The following LHFPL3 variants were observed in gnomAD, a reference collection of about 807,000 sequenced individuals.
LHFPL3 encodes the protein LHFPL tetraspan subfamily member 3 protein.
Under a neutral mutation model 19.3 loss-of-function variants are expected in LHFPL3, and 5 were observed. The ratio of observed to expected loss-of-function variants is 0.26; its 90% CI spans 0.14 to 0.54. The LOEUF (loss-of-function observed/expected upper bound fraction) is 0.54, where lower values mean the gene tolerates loss of function less well. Ranked by LOEUF, LHFPL3 falls within the 20% of genes least tolerant of loss-of-function variation. The pLI, the probability that LHFPL3 is intolerant of heterozygous loss-of-function variation, is 0.94. For synonymous variants in LHFPL3, 133 were observed against 126.2 expected, an observed-to-expected ratio of 1.05 and a Z score of -0.36; for missense variants, 249 against 307.4, an observed-to-expected ratio of 0.81 and a Z score of 1.42.
intron 1 of LHFPL3, among the ~76,000 whole-genome samples, chr7:104,362,976 G>A (rs970387341): frequency 6.6e-6 from 1 of 152,190 alleles, no homozygotes; most frequent in African/African-American, 2.4e-5. Context: ...CCAATCTTAG[G>A]TTTTACAATG....
At chr7:104,329,449 A>G (rs1479675263) in intron 1 of LHFPL3, among the ~76,000 whole-genome samples, 1 of 152,178 alleles carries the variant, frequency 6.6e-6, no homozygotes, top group African/African-American at 2.4e-5. Context: ...GAGCCTCCCA[A>G]GTGTGGGGGA....
chr7:104,662,676 C>G (rs1427847285), intron 1 of LHFPL3, among the ~76,000 whole-genome samples: 1 of 152,130 alleles, frequency 6.6e-6, no homozygotes, highest in Non-Finnish European at 1.5e-5. Flanking sequence ...AACTGGCTTG[C>G]AAAGAGGGTA....
At chr7:104,880,876 A>C (rs758885735) in intron 2 of LHFPL3, among the ~76,000 whole-genome samples, 13 of 152,174 alleles carry the variant, frequency 8.5e-5, no homozygotes, top group Non-Finnish European at 1.9e-4. Context: ...ATTATTTAAG[A>C]AATACTTTGT....
chr7:104,438,295 GT>G (rs35344206), intron 1 of LHFPL3, among the ~76,000 whole-genome samples: 26,108 of 152,084 alleles, frequency 0.17, 3,459 homozygotes, highest in African/African-American at 0.37. Flanking sequence ...CACATGTGGT[GT>G]TTTCTCTGTA....
chr7:104,527,428 C>T (rs953175694), intron 1 of LHFPL3, among the ~76,000 whole-genome samples: 11 of 151,958 alleles, frequency 7.2e-5, no homozygotes, highest in East Asian at 1.9e-4. Context: ...GTGGAGGTGG[C>T]GAGGTGTGGA....
intron 1 of LHFPL3, among the ~76,000 whole-genome samples, chr7:104,459,681 G>A (rs1421595939): frequency 6.6e-6 from 1 of 152,184 alleles, no homozygotes; most frequent in Non-Finnish European, 1.5e-5. Flanking sequence ...ACAGGCACTG[G>A]AGAGGAGATA....
intron 1 of LHFPL3, among the ~76,000 whole-genome samples, chr7:104,679,077 A>G (rs1792645672): frequency 6.6e-6 from 1 of 152,254 alleles, no homozygotes; most frequent in Non-Finnish European, 1.5e-5. Context: ...AAGGTGAGGA[A>G]TGCTGGAGCA....
intron 1 of LHFPL3, among the ~76,000 whole-genome samples, chr7:104,680,887 G>A (rs1477208344): frequency 6.6e-6 from 1 of 152,116 alleles, no homozygotes; most frequent in African/African-American, 2.4e-5. Flanking sequence ...ATCTAAAGGA[G>A]GAAAATTTAG....
At chr7:104,872,047 A>G (rs73184012) in intron 2 of LHFPL3, among the ~76,000 whole-genome samples, 26,256 of 151,912 alleles carry the variant, frequency 0.17, 2,903 homozygotes, top group East Asian at 0.37. Flanking sequence ...GTTAAAAACT[A>G]AGACACACTG....
chr7:104,610,955 C>T (rs1224760951), intron 1 of LHFPL3, among the ~76,000 whole-genome samples: 1 of 152,192 alleles, frequency 6.6e-6, no homozygotes. Flanking sequence ...ACCATCTAGC[C>T]ATTTTTTTCA....
At chr7:104,792,896 C>T (rs1452261874) in intron 2 of LHFPL3, among the ~76,000 whole-genome samples, 2 of 152,062 alleles carry the variant, frequency 1.3e-5, no homozygotes, top group Admixed American at 1.3e-4. Context: ...TATTTGCTAG[C>T]ATTTTTTTTG....
intron 1 of LHFPL3, among the ~76,000 whole-genome samples, chr7:104,430,767 C>T (rs1456867792): frequency 2.0e-5 from 3 of 151,808 alleles, no homozygotes; most frequent in Non-Finnish European, 2.9e-5. Context: ...TGCGCCCGGC[C>T]CTTCTGTGGG....
At chr7:104,606,745 A>G (rs1791110119) in intron 1 of LHFPL3, among the ~76,000 whole-genome samples, 1 of 152,192 alleles carries the variant, frequency 6.6e-6, no homozygotes, top group Non-Finnish European at 1.5e-5. Context: ...TCAAATCAGT[A>G]TCCCTGAAAG....
intron 1 of LHFPL3, among the ~76,000 whole-genome samples, chr7:104,614,687 CTTTCT>C (rs1562950482): frequency 0.016 from 1,600 of 102,882 alleles, 66 homozygotes; most frequent in Non-Finnish European, 0.019. Flanking sequence ...TTCCTTCTTT[CTTTCT>C]TTCTTTCTTT....
intron 1 of LHFPL3, among the ~76,000 whole-genome samples, chr7:104,721,282 A>G (rs540724543): frequency 6.6e-6 from 1 of 152,296 alleles, no homozygotes; most frequent in Non-Finnish European, 1.5e-5. Context: ...GCAAACTATC[A>G]CAAGGACAGA....
chr7:104,483,404 C>T (rs1422156501), intron 1 of LHFPL3, among the ~76,000 whole-genome samples: 1 of 152,104 alleles, frequency 6.6e-6, no homozygotes, highest in Non-Finnish European at 1.5e-5. Flanking sequence ...ATTTTCTTTC[C>T]TTTCCCAAAG....
In LHFPL3 at chr7:104,479,066, A is replaced by G. The variant is rs368824869; in HGVS notation, c.445+149842A>G. 2.6e-5 allele frequency among the ~76,000 whole-genome samples: 4 copies of G among 152,250 alleles called. No homozygotes were observed. In the East Asian group the frequency reaches 5.8e-4, roughly 22 times the overall value. On this transcript the variant is annotated intron_variant, in intron 1 of 2. Transcript: ENST00000424859. ...TGGAGTCTGTGGTTTGCTGGGGTTGACTGAGGCTGGGGTGGCTGTTATCTC... is the reference window on the plus strand; with the variant it reads ...TGGAGTCTGTGGTTTGCTGGGGTTGGCTGAGGCTGGGGTGGCTGTTATCTC...
chr7:104,599,990 A>G (rs577574974), intron 1 of LHFPL3, among the ~76,000 whole-genome samples: 1 of 152,304 alleles, frequency 6.6e-6, no homozygotes, highest in Admixed American at 6.5e-5. Context: ...CTGGTCCCTG[A>G]CCAGCCTTGT....
At chr7:104,873,553 A>G (rs1429790774) in intron 2 of LHFPL3, among the ~76,000 whole-genome samples, 1 of 152,240 alleles carries the variant, frequency 6.6e-6, no homozygotes, top group East Asian at 1.9e-4. Flanking sequence ...GCCCGAGCCC[A>G]GGAATTTGAG....
Sources: allele counts gnomAD v4.1 joint callset (sites outside exome capture counted in the v4.1 genomes callset), GRCh38; gene constraint gnomAD v4.1.1; transcripts MANE v1.5; gene names NCBI Gene and HGNC (gene_info 2026-07-23, HGNC 2026-07-21).